Variants in PRKD3 observed in about 807,000 individuals in gnomAD.
PRKD3 encodes the protein serine/threonine-protein kinase D3.
Under a neutral mutation model 99.2 loss-of-function variants are expected in PRKD3, and 47 were observed. The observed-to-expected ratio is 0.47, with a 90% CI of 0.38 to 0.60. The LOEUF is 0.60. Among genes scored for constraint, PRKD3 ranks in the 20% least tolerant of loss-of-function variants. PRKD3 has a pLI of 0.00. For missense variants in PRKD3, 1,019 were observed against 1,088.4 expected (o/e 0.94, Z 0.90); for synonymous variants, 392 against 355.4 (o/e 1.10, Z -1.16).
intron 2 of PRKD3, among the ~76,000 whole-genome samples, chr2:37,298,577 C>T (rs1399798918): frequency 2.0e-5 from 3 of 152,050 alleles, no homozygotes; most frequent in Admixed American, 2.0e-4. Context: ...ATACAAAGAA[C>T]TCAGTGTCCT....
Position 37,253,040 on chromosome 2 carries a change from T to C in PRKD3, c.*137A>G, listed in dbSNP as rs1330961998. The C allele has an allele frequency of 9.4e-6, 8 of 854,376 alleles. No homozygotes were observed. The highest frequency in any genetic ancestry group is 6.8e-5 in the African/African-American group (4 of 58,608). The allele number at this position is 854,376 out of a possible 1,614,324, so 52.9% of individuals were successfully genotyped here. Reference sequence around the variant, plus strand: ...TGTACCTACTCATTATGAACTACAGTACTGGTGTCACTTATTCGTTATCAT... The same window carrying C: ...TGTACCTACTCATTATGAACTACAGCACTGGTGTCACTTATTCGTTATCAT... On this transcript the variant is annotated 3_prime_UTR_variant, in exon 19 of 19. Transcript: ENST00000234179.
chr2:37,267,331 C>CT, intron 14 of PRKD3, 99 bp downstream of exon 14: 2 of 775,880 alleles, frequency 2.6e-6, no homozygotes, highest in Non-Finnish European at 4.0e-6. Flanking sequence ...TTACCATAAT[C>CT]TAATTTTGCC....
At chr2:37,294,210 C>G (rs572125341) in intron 2 of PRKD3, among the ~76,000 whole-genome samples, 9 of 152,296 alleles carry the variant, frequency 5.9e-5, no homozygotes, top group Admixed American at 4.6e-4. Context: ...ATCCTCCCAC[C>G]TCAGCCTCCC....
In PRKD3 at chr2:37,293,279, A is replaced by G. The variant is rs1284927267; in HGVS notation, c.289-8T>C. On this transcript the variant is annotated splice_polypyrimidine_tract_variant and splice_region_variant and intron_variant, in intron 2 of 18. Coordinates refer to ENST00000234179, the MANE Select transcript of PRKD3 (RefSeq NM_005813.6). ...GAATCCACACTCTGGAAACTGAGGGATAATAGTCCTATATCAGTATGACCA... is the reference window on the plus strand; with the variant it reads ...GAATCCACACTCTGGAAACTGAGGGGTAATAGTCCTATATCAGTATGACCA... The G allele has an allele frequency of 5.0e-6, 8 of 1,585,142 alleles. No individual in the cohort carries two copies. The highest frequency in any genetic ancestry group is 6.9e-6 in the Non-Finnish European group (8 of 1,157,014).
intron 1 of PRKD3, among the ~76,000 whole-genome samples, chr2:37,323,647 G>A (rs7570547): frequency 0.33 from 49,867 of 151,868 alleles, 8,958 homozygotes; most frequent in East Asian, 0.43. Flanking sequence ...CGCTAAAAAT[G>A]TAAGAACGAC....
At chr2:37,323,948 G>GT (rs1325924556) in intron 1 of PRKD3, among the ~76,000 whole-genome samples, 4 of 152,074 alleles carry the variant, frequency 2.6e-5, no homozygotes, top group African/African-American at 7.2e-5. Flanking sequence ...CGCTTGAATC[G>GT]TATGTGTGCC....
intron 16 of PRKD3, 46 bp downstream of exon 16, chr2:37,259,537 G>T: frequency 1.4e-6 from 2 of 1,455,554 alleles, no homozygotes; most frequent in South Asian, 1.2e-5. Flanking sequence ...TGGGTGCTTT[G>T]AAAATGTTGC....
chr2:37,252,733 G>A lies in PRKD3; in HGVS notation c.*444C>T, dbSNP rs1667593872. The A allele has an allele frequency of 6.6e-6, 1 of 151,600 alleles. No individual in the cohort carries two copies. Among genetic ancestry groups the A allele is most frequent in the South Asian group, 2.1e-4 (1 of 4,810 alleles). 9.4% of individuals were successfully genotyped at this position (151,600 alleles called of 1,614,324 possible). On this transcript the variant is annotated 3_prime_UTR_variant, in exon 19 of 19. Transcript: ENST00000234179. Reference sequence around the variant, plus strand: ...CCTCACAGTTACCTCTTAAATACAAGCCTGTCGAGTAATCAATCTTGTAAG... The same window carrying A: ...CCTCACAGTTACCTCTTAAATACAAACCTGTCGAGTAATCAATCTTGTAAG...
intron 2 of PRKD3, among the ~76,000 whole-genome samples, chr2:37,297,652 C>A (rs564826014): frequency 3.9e-5 from 6 of 152,286 alleles, no homozygotes; most frequent in African/African-American, 1.4e-4. Context: ...TGGATTTTAA[C>A]AATCTTGGCT....
chr2:37,271,732 G>A (rs915906484), intron 12 of PRKD3, among the ~76,000 whole-genome samples: 9 of 152,144 alleles, frequency 5.9e-5, no homozygotes, highest in East Asian at 1.9e-4. Flanking sequence ...ATCTGACACG[G>A]TTCATTCCGA....
intron 3 of PRKD3, among the ~76,000 whole-genome samples, chr2:37,292,804 C>A (rs937157340): frequency 6.6e-6 from 1 of 151,816 alleles, no homozygotes. Flanking sequence ...TGTGACCATG[C>A]CTGGCTAATT....
At chr2:37,254,771 T>C (rs1667801480) in intron 17 of PRKD3, among the ~76,000 whole-genome samples, 1 of 152,244 alleles carries the variant, frequency 6.6e-6, no homozygotes, top group Non-Finnish European at 1.5e-5. Context: ...CTCTAGTCCC[T>C]GACTTGGTCT....
intron 1 of PRKD3, among the ~76,000 whole-genome samples, chr2:37,320,996 T>C (rs1671862731): frequency 6.6e-6 from 1 of 152,232 alleles, no homozygotes; most frequent in African/African-American, 2.4e-5. Flanking sequence ...AGATTTACTC[T>C]GGAAGATGCA....
intron 14 of PRKD3, among the ~76,000 whole-genome samples, chr2:37,266,201 A>G (rs932069906): frequency 9.2e-5 from 14 of 152,220 alleles, no homozygotes; most frequent in Non-Finnish European, 1.5e-5. Flanking sequence ...TACTATTAGC[A>G]ACAAGTAACA....
At chr2:37,299,551 CACACACACAA>C (rs1362766978) in intron 2 of PRKD3, among the ~76,000 whole-genome samples, 1 of 126,134 alleles carries the variant, frequency 7.9e-6, no homozygotes, top group South Asian at 2.4e-4. Flanking sequence ...CACACACACA[CACACACACAA>C]GCTTCTGCAA....
chr2:37,305,568 A>C (rs1671124988), intron 2 of PRKD3, among the ~76,000 whole-genome samples: 1 of 152,264 alleles, frequency 6.6e-6, no homozygotes. Flanking sequence ...AATATGCATC[A>C]GAAATTGTGC....
In PRKD3 at chr2:37,317,767, A is replaced by T. The variant is rs578133051; in HGVS notation, c.-655-588T>A. ...AAGCTGACATACTTATCACAGGAAC[A>T]TAAGAGAAAGGGATCTCACCATAAG... On this transcript the variant is annotated intron_variant, in intron 1 of 18. Coordinates refer to ENST00000234179, the MANE Select transcript of PRKD3 (RefSeq NM_005813.6). 2.0e-5 allele frequency: 3 copies of T among 152,152 alleles called. No individual in the cohort carries two copies. The South Asian group carries it at 6.3e-4, about 32-fold the overall frequency. 9.4% of individuals were successfully genotyped at this position (152,152 alleles called of 1,614,324 possible). A position where few individuals can be genotyped will look rare whatever the true frequency, so the allele number is the denominator to read the frequency against.
chr2:37,283,105 T>C (rs907939165), intron 6 of PRKD3, among the ~76,000 whole-genome samples: 1 of 152,226 alleles, frequency 6.6e-6, no homozygotes, highest in Non-Finnish European at 1.5e-5. Flanking sequence ...TACATAATGG[T>C]TCTCTTCAGC....
At chr2:37,271,680 T>C (rs1439798140) in intron 12 of PRKD3, among the ~76,000 whole-genome samples, 1 of 152,202 alleles carries the variant, frequency 6.6e-6, no homozygotes, top group African/African-American at 2.4e-5. Flanking sequence ...GAACTGTGCA[T>C]GCGAGGGATC....
Sources: allele counts gnomAD v4.1 joint callset (sites outside exome capture counted in the v4.1 genomes callset), GRCh38; gene constraint gnomAD v4.1.1; transcripts MANE v1.5; gene names NCBI Gene and HGNC (gene_info 2026-07-23, HGNC 2026-07-21).